GRM5: variants seen among roughly 807,000 people sequenced by gnomAD.
GRM5 encodes the protein glutamate metabotropic receptor 5.
Under a neutral mutation model 83.1 loss-of-function variants are expected in GRM5, and 19 were observed. That is an observed-to-expected ratio of 0.23 (90% confidence interval 0.16 to 0.34). The LOEUF is 0.34. Ranked by LOEUF, GRM5 falls within the 10% of genes least tolerant of loss-of-function variation. GRM5 has a pLI of 1.00. For synonymous variants in GRM5, 675 were observed against 633.6 expected (o/e 1.07, Z -0.98); for missense variants, 1,160 against 1,588.3 (o/e 0.73, Z 4.58).
rs1274408505 is a variant in GRM5 at position 88,947,516 on chromosome 11, T to G, written c.662-97361A>C. ...ACCTAAAACGTGTTCTTTTTACCAT[T>G]GCGTCCTTGCATTGTTAGTTTTTTT... On this transcript the variant is annotated intron_variant, in intron 2 of 9. Transcript: ENST00000305447. Among the ~76,000 whole-genome samples the G allele has an allele frequency of 9.9e-5, 15 of 151,800 alleles. No homozygotes were observed. In the South Asian group the frequency reaches 3.1e-3, roughly 32 times the overall value.
intron 3 of GRM5, among the ~76,000 whole-genome samples, chr11:88,675,567 C>T (rs955533569): frequency 1.3e-5 from 2 of 151,700 alleles, no homozygotes; most frequent in African/African-American, 2.4e-5. Context: ...TAGAACAACC[C>T]GAAGCTATAT....
intron 3 of GRM5, among the ~76,000 whole-genome samples, chr11:88,690,197 A>C (rs1205191602): frequency 6.6e-6 from 1 of 151,830 alleles, no homozygotes; most frequent in East Asian, 1.9e-4. Context: ...CAGTTTTATT[A>C]TTTTCTGCTT....
rs188537281 is a variant in GRM5 at position 88,592,190 on chromosome 11, C to A, written c.1564-1463G>T. 2.0e-5 allele frequency among the ~76,000 whole-genome samples: 3 copies of A among 152,224 alleles called. No individual in the cohort carries two copies. The East Asian group carries it at 5.8e-4, about 29-fold the overall frequency. On this transcript the variant is annotated intron_variant, in intron 6 of 9. Transcript: ENST00000305447. ...TTATAGCCACTAAGTAGTTGTGCAG[C>A]CTTGAGTAGTCCTCCAGCTAATGCT...
intron 3 of GRM5, among the ~76,000 whole-genome samples, chr11:88,839,254 C>G (rs1944150805): frequency 6.6e-6 from 1 of 152,068 alleles, no homozygotes; most frequent in Admixed American, 6.5e-5. Flanking sequence ...AATTATGAAG[C>G]TTGGCATTGT....
chr11:88,596,253 C>T (rs1455108572), intron 6 of GRM5, among the ~76,000 whole-genome samples: 2 of 152,162 alleles, frequency 1.3e-5, no homozygotes, highest in African/African-American at 2.4e-5. Context: ...CTTCTGGCCC[C>T]TTTTCATTCT....
chr11:88,599,245 T>C (rs66814635), intron 5 of GRM5, among the ~76,000 whole-genome samples: 9,489 of 152,306 alleles, frequency 0.062, 323 homozygotes, highest in East Asian at 0.18. Flanking sequence ...ACTCTATAGA[T>C]TGGAAAATCA....
intron 2 of GRM5, among the ~76,000 whole-genome samples, chr11:89,023,929 A>C (rs978906861): frequency 4.6e-5 from 7 of 151,490 alleles, no homozygotes; most frequent in Non-Finnish European, 7.4e-5. Flanking sequence ...CTTAATATTA[A>C]AGTTGTCCAT....
rs957983203 is a variant in GRM5 at position 89,015,659 on chromosome 11, C to G, written c.661+31553G>C. Among the ~76,000 whole-genome samples, 6 of 152,168 alleles carry G rather than the reference C, an allele frequency of 3.9e-5. No homozygotes were observed. The East Asian group carries it at 9.6e-4, about 24-fold the overall frequency. ...GTGTGTGTTTTAAAAGCCCAGGTAGCACTAAATACCATTTTCCAGGAAGTG... is the reference window on the plus strand; with the variant it reads ...GTGTGTGTTTTAAAAGCCCAGGTAGGACTAAATACCATTTTCCAGGAAGTG... On this transcript the variant is annotated intron_variant, in intron 2 of 9. Coordinates refer to ENST00000305447, the MANE Select transcript of GRM5 (RefSeq NM_001143831.3).
At position 88,604,744 on chromosome 11, in the gene GRM5, G is replaced by A. The variant is rs769777596; in HGVS notation, c.1368C>T (p.Phe456=). 6 of 1,611,654 alleles carry A rather than the reference G, an allele frequency of 3.7e-6. No homozygotes were observed. In the African/African-American group the frequency reaches 4.0e-5, roughly 11 times the overall value. The change falls in exon 5 of 10, where the codon TTC becomes TTT. Residue 456 remains phenylalanine, a synonymous_variant. Transcript: ENST00000305447. ...FTGVSGDTIL[F]DENGDSPGRY... Reference sequence around the variant, plus strand: ...TTCCTGGAGAGTCTCCATTCTCATCGAATAGGATCGTATCTCCAGAAACCC... The same window carrying A: ...TTCCTGGAGAGTCTCCATTCTCATCAAATAGGATCGTATCTCCAGAAACCC...
At chr11:88,610,702 C>T (rs1938288307) in intron 4 of GRM5, among the ~76,000 whole-genome samples, 1 of 152,112 alleles carries the variant, frequency 6.6e-6, no homozygotes, top group African/African-American at 2.4e-5. Flanking sequence ...TATTTGGGTG[C>T]CCTTTATTTC....
chr11:88,575,772 C>T (rs909358000), intron 7 of GRM5, among the ~76,000 whole-genome samples: 2 of 152,180 alleles, frequency 1.3e-5, no homozygotes, highest in Non-Finnish European at 2.9e-5. Flanking sequence ...AACTTTGCTA[C>T]AGAGTAGACT....
intron 3 of GRM5, among the ~76,000 whole-genome samples, chr11:88,703,308 T>G (rs1331972391): frequency 6.6e-6 from 1 of 152,114 alleles, no homozygotes; most frequent in African/African-American, 2.4e-5. Flanking sequence ...CCTATTTATT[T>G]TACTATACTC....
chr11:88,599,393 TACAAGGCAAAC>T (rs919001529), intron 5 of GRM5, among the ~76,000 whole-genome samples: 1 of 152,194 alleles, frequency 6.6e-6, no homozygotes, highest in Admixed American at 6.5e-5. Flanking sequence ...TGTTTCTTAA[TACAAGGCAAAC>T]ACAAAGATAT....
chr11:88,613,688 A>G (rs1285057286), intron 4 of GRM5, among the ~76,000 whole-genome samples: 2 of 152,100 alleles, frequency 1.3e-5, no homozygotes, highest in African/African-American at 2.4e-5. Context: ...TACACTCAGG[A>G]TATAAATTGA....
intron 2 of GRM5, among the ~76,000 whole-genome samples, chr11:88,966,527 C>T (rs1424245722): frequency 6.6e-6 from 1 of 152,072 alleles, no homozygotes; most frequent in African/African-American, 2.4e-5. Flanking sequence ...CCTTCACAGA[C>T]ACAAAAATAA....
chr11:88,713,227 T>C (rs1004911863), intron 3 of GRM5, among the ~76,000 whole-genome samples: 2 of 152,060 alleles, frequency 1.3e-5, no homozygotes, highest in Middle Eastern at 3.2e-3. Flanking sequence ...CTAAGGGGTC[T>C]CTAAATAAAA....
At chr11:88,690,349 A>G (rs976721615) in intron 3 of GRM5, among the ~76,000 whole-genome samples, 2 of 152,158 alleles carry the variant, frequency 1.3e-5, no homozygotes, top group Non-Finnish European at 2.9e-5. Flanking sequence ...TTTTGGGAGA[A>G]AAGAAACTCC....
chr11:89,035,963 C>T (rs1446306962), intron 2 of GRM5, among the ~76,000 whole-genome samples: 1 of 152,024 alleles, frequency 6.6e-6, no homozygotes, highest in Non-Finnish European at 1.5e-5. Flanking sequence ...GGCACATAAG[C>T]ATGTCCAATT....
chr11:88,755,180 A>G (rs181462467), intron 3 of GRM5, among the ~76,000 whole-genome samples: 9 of 152,316 alleles, frequency 5.9e-5, no homozygotes, highest in Non-Finnish European at 1.2e-4. Context: ...AATAGAAGAT[A>G]TCTCATCAAA....
Sources: allele counts gnomAD v4.1 joint callset (sites outside exome capture counted in the v4.1 genomes callset), GRCh38; gene constraint gnomAD v4.1.1; transcripts MANE v1.5; gene names NCBI Gene and HGNC (gene_info 2026-07-23, HGNC 2026-07-21).